The following CLOCK variants were observed in gnomAD, a reference collection of about 807,000 sequenced individuals.
The protein encoded by CLOCK is circadian locomoter output cycles protein kaput.
CLOCK carries 43 observed loss-of-function variants against 118.4 expected under a neutral mutation model. That is an observed-to-expected ratio of 0.36 (90% CI 0.28 to 0.47). The LOEUF is 0.47. Among genes scored for constraint, CLOCK ranks in the 20% least tolerant of loss-of-function variants. The probability of loss-of-function intolerance (pLI) is 1.00; values close to 1 mark genes in which losing one functional copy is unlikely to be tolerated. For missense variants in CLOCK, 846 were observed against 999.9 expected (o/e 0.85, Z 2.08); for synonymous variants, 326 against 339.2 (o/e 0.96, Z 0.43).
At position 55,534,475 on chromosome 4, in the gene CLOCK, G is replaced by A. The variant is rs565893532; in HGVS notation, c.-290+12307C>T. ...TGTACTGCAGAATCTAATACTCCTG[G>A]GTATTTTTGTTATAGCAGCCAAAAC... On this transcript the variant is annotated intron_variant, in intron 1 of 22. Coordinates refer to ENST00000513440, the MANE Select transcript of CLOCK (RefSeq NM_004898.4). 1.1e-4 allele frequency among the ~76,000 whole-genome samples: 16 copies of A among 151,996 alleles called. No individual in the cohort carries two copies. In the South Asian group the frequency reaches 3.3e-3, roughly 32 times the overall value.
chr4:55,515,457 C>T (rs1729445926), intron 1 of CLOCK, among the ~76,000 whole-genome samples: 1 of 152,174 alleles, frequency 6.6e-6, no homozygotes, highest in Non-Finnish European at 1.5e-5. Context: ...TCACTGCAGC[C>T]TCCGCCTCCC....
intron 18 of CLOCK, among the ~76,000 whole-genome samples, chr4:55,445,602 T>C (rs1723759739): frequency 8.2e-6 from 1 of 122,306 alleles, no homozygotes. Context: ...TTTTTTTTTT[T>C]TTTTTTGAGA....
chr4:55,455,294 A>G (rs1057181099), intron 13 of CLOCK, among the ~76,000 whole-genome samples: 7 of 152,182 alleles, frequency 4.6e-5, no homozygotes, highest in African/African-American at 1.7e-4. Flanking sequence ...GCCACCAATG[A>G]GCTATGAAAT....
At chr4:55,448,966 A>G in intron 17 of CLOCK, 98 bp from the exon 18 acceptor site, 1 of 964,784 alleles carries the variant, frequency 1.0e-6, no homozygotes. Flanking sequence ...TAATAAACTT[A>G]CCATTTGCCT....
chr4:55,488,557 C>T (rs1727463880), intron 3 of CLOCK, among the ~76,000 whole-genome samples: 1 of 152,212 alleles, frequency 6.6e-6, no homozygotes, highest in South Asian at 2.1e-4. Context: ...ACATTATGCT[C>T]TTTATGTTCC....
In CLOCK at chr4:55,450,278, G is replaced by A. The variant is rs768354287; in HGVS notation, c.1207-46C>T. ...AAATGTTTTCTTGTGGTTCAGTTCA[G>A]AGATCTCAAATTCACAATACTGTTA... On this transcript the variant is annotated intron_variant, in intron 15 of 22. Coordinates refer to ENST00000513440, the MANE Select transcript of CLOCK (RefSeq NM_004898.4). The A allele has an allele frequency of 1.9e-6, 3 of 1,611,406 alleles. No homozygotes were observed. The East Asian group carries it at 6.7e-5, about 36-fold the overall frequency.
chr4:55,523,728 T>C (rs1412503679), intron 1 of CLOCK, among the ~76,000 whole-genome samples: 1 of 151,894 alleles, frequency 6.6e-6, no homozygotes, highest in Non-Finnish European at 1.5e-5. Flanking sequence ...CTAATACTTC[T>C]CCAGATTTCT....
In CLOCK at chr4:55,431,793, G is replaced by C. The variant is rs1460130041; in HGVS notation, c.*3622C>G. 1 of 152,186 alleles carries C rather than the reference G, an allele frequency of 6.6e-6. No individual in the cohort carries two copies. Among genetic ancestry groups the C allele is most frequent in the Non-Finnish European group, 1.5e-5 (1 of 68,024 alleles). 9.4% of individuals were successfully genotyped at this position (152,186 alleles called of 1,614,324 possible). A position where few individuals can be genotyped will look rare whatever the true frequency, so the allele number is the denominator to read the frequency against. ...TTGCCTCAATGTAGTGGAAACATCT[G>C]AAAACATGTTGAGTAATATCCAGTT... On this transcript the variant is annotated 3_prime_UTR_variant, in exon 23 of 23. Transcript: ENST00000513440.
chr4:55,483,862 T>C (rs1727107515), intron 3 of CLOCK, among the ~76,000 whole-genome samples: 1 of 152,202 alleles, frequency 6.6e-6, no homozygotes, highest in South Asian at 2.1e-4. Context: ...AACTTACTGC[T>C]TTAAAGCTGG....
At chr4:55,478,782 A>G in intron 6 of CLOCK, 33 bp downstream of exon 6, 2 of 1,600,386 alleles carry the variant, frequency 1.2e-6, no homozygotes, top group Non-Finnish European at 1.7e-6. Context: ...ATGCTTTGAG[A>G]GTCTGTTCCA....
intron 18 of CLOCK, among the ~76,000 whole-genome samples, chr4:55,447,051 T>G: frequency 6.6e-6 from 1 of 152,254 alleles, no homozygotes; most frequent in East Asian, 1.9e-4. Context: ...TTTTTTTGTT[T>G]TTTTTTAAAT....
chr4:55,519,726 C>T (rs1485388496), intron 1 of CLOCK, among the ~76,000 whole-genome samples: 2 of 152,044 alleles, frequency 1.3e-5, no homozygotes, highest in South Asian at 2.1e-4. Flanking sequence ...CGCAGTGAGC[C>T]GAGATTGGCC....
intron 4 of CLOCK, among the ~76,000 whole-genome samples, chr4:55,481,093 A>C (rs1426012442): frequency 2.0e-5 from 3 of 151,976 alleles, no homozygotes. Context: ...AGCAATATTA[A>C]AGTTTCTGCT....
intron 2 of CLOCK, among the ~76,000 whole-genome samples, chr4:55,495,003 G>A (rs149586705): frequency 3.9e-4 from 60 of 152,144 alleles, no homozygotes; most frequent in African/African-American, 1.3e-3. Context: ...TACAGAATCC[G>A]GTTTCTCTCG....
At position 55,430,239 on chromosome 4, in the gene CLOCK, T is replaced by TA. The variant is rs1323752673; in HGVS notation, c.*5175dup. ...CTGGTGGTGGTGATGGAATTTCACT[T>TA]AGTTGTCTCTCCATAAACTATATCC... On this transcript the variant is annotated 3_prime_UTR_variant, in exon 23 of 23. Transcript: ENST00000513440. The TA allele has an allele frequency of 1.3e-5, 2 of 152,306 alleles. No homozygotes were observed. Among genetic ancestry groups the TA allele is most frequent in the African/African-American group, 4.8e-5 (2 of 41,572 alleles). The allele number at this position is 152,306 out of a possible 1,614,324, so 9.4% of individuals were successfully genotyped here.
intron 2 of CLOCK, among the ~76,000 whole-genome samples, chr4:55,496,982 T>C (rs1728123715): frequency 6.6e-6 from 1 of 152,244 alleles, no homozygotes; most frequent in South Asian, 2.1e-4. Flanking sequence ...CTTTATGTTA[T>C]TAGTGAAAAA....
intron 2 of CLOCK, among the ~76,000 whole-genome samples, chr4:55,499,278 G>C (rs1287400216): frequency 6.6e-6 from 1 of 152,110 alleles, no homozygotes; most frequent in East Asian, 1.9e-4. Context: ...ATTAAGTTAT[G>C]AGATTCTAGG....
intron 2 of CLOCK, among the ~76,000 whole-genome samples, chr4:55,499,912 T>C (rs895556125): frequency 6.6e-6 from 1 of 152,218 alleles, no homozygotes; most frequent in Non-Finnish European, 1.5e-5. Flanking sequence ...TCTTTGAGAC[T>C]TCCAAAGCAT....
At chr4:55,473,826 G>GT (rs1726308378) in intron 7 of CLOCK, among the ~76,000 whole-genome samples, 1 of 151,986 alleles carries the variant, frequency 6.6e-6, no homozygotes, top group Non-Finnish European at 1.5e-5. Flanking sequence ...ATCTGTAATG[G>GT]TGATTCGCCC....
Sources: allele counts gnomAD v4.1 joint callset (sites outside exome capture counted in the v4.1 genomes callset), GRCh38; gene constraint gnomAD v4.1.1; transcripts MANE v1.5; gene names NCBI Gene and HGNC (gene_info 2026-07-23, HGNC 2026-07-21).